MTMR6: variants seen among roughly 807,000 people sequenced by gnomAD.
MTMR6 encodes myotubularin related protein 6.
In MTMR6, 47 loss-of-function variants were observed where a neutral mutation model predicts 80.1. The observed-to-expected ratio is 0.59, with a 90% CI of 0.46 to 0.75. MTMR6 has a LOEUF of 0.75. MTMR6 is among the 30% of genes least tolerant of loss of function. The probability of loss-of-function intolerance (pLI) is 0.00; values close to 1 mark genes in which losing one functional copy is unlikely to be tolerated. For synonymous variants in MTMR6, 254 were observed against 253.0 expected (o/e 1.00, Z -0.04); for missense variants, 629 against 730.9 (o/e 0.86, Z 1.61).
chr13:25,250,241 G>C (rs373862660), intron 13 of MTMR6, among the ~76,000 whole-genome samples: 1 of 152,050 alleles, frequency 6.6e-6, no homozygotes, highest in Admixed American at 6.6e-5. Context: ...GCTTATATAG[G>C]ATGGCAGAAA....
At chr13:25,282,245 C>T (rs926894813) in intron 1 of MTMR6, among the ~76,000 whole-genome samples, 31 of 152,162 alleles carry the variant, frequency 2.0e-4, no homozygotes, top group Non-Finnish European at 4.6e-4. Context: ...GTAAGAGCTT[C>T]CCTAACCACT....
Position 25,266,144 on chromosome 13 carries a change from G to C in MTMR6, c.447C>G (p.Ala149=). 1.9e-6 allele frequency: 3 copies of C among 1,613,662 alleles called. No homozygotes were observed. Among genetic ancestry groups the C allele is most frequent in the Non-Finnish European group, 2.5e-6 (3 of 1,179,908 alleles). ...GTTAAGGTACCTTGTAGTCCCGGTTGGCATCAGACAACTGCCAGTGTGAGT... is the reference window on the plus strand; with the variant it reads ...GTTAAGGTACCTTGTAGTCCCGGTTCGCATCAGACAACTGCCAGTGTGAGT... ...VPNSHWQLSD[A]NRDYKICETY... is the part of the protein sequence containing the mutation. The change falls in exon 4 of 14, where the codon GCC becomes GCG. Residue 149 remains alanine, a synonymous_variant. Coordinates refer to ENST00000381801, the MANE Select transcript of MTMR6 (RefSeq NM_004685.5).
chr13:25,265,800 C>G lies in MTMR6; in HGVS notation c.591+19G>C, dbSNP rs1387831996. On this transcript the variant is annotated intron_variant, in intron 5 of 13. Transcript: ENST00000381801. Reference sequence around the variant, plus strand: ...ATGAGTTATACTTTATTTCTAAAATCAAAAGAAAAGCATCCTACCTCCTTA... The same window carrying G: ...ATGAGTTATACTTTATTTCTAAAATGAAAAGAAAAGCATCCTACCTCCTTA... 6.3e-7 allele frequency: 1 copy of G among 1,593,366 alleles called. No homozygotes were observed. Among genetic ancestry groups the G allele is most frequent in the Admixed American group, 1.7e-5 (1 of 58,386 alleles).
chr13:25,251,785 A>G lies in MTMR6; in HGVS notation c.1479-10T>C, dbSNP rs1957094453. On this transcript the variant is annotated splice_polypyrimidine_tract_variant and intron_variant, in intron 12 of 13. Coordinates refer to ENST00000381801, the MANE Select transcript of MTMR6 (RefSeq NM_004685.5). This position sits in a 1 kb window ranked among gnomAD's most constrained non-coding sequence, Gnocchi z 4.1. ...CATGTTCCTCCAAAACCTTTATGAC[A>G]AAAAAAAGTTTCAATAAATTGTGTT... 6.4e-7 allele frequency: 1 copy of G among 1,558,694 alleles called. No individual in the cohort carries two copies. Among genetic ancestry groups the G allele is most frequent in the Non-Finnish European group, 8.8e-7 (1 of 1,142,506 alleles).
At chr13:25,282,075 C>T (rs1957861947) in intron 1 of MTMR6, among the ~76,000 whole-genome samples, 1 of 152,138 alleles carries the variant, frequency 6.6e-6, no homozygotes, top group African/African-American at 2.4e-5. Context: ...CTTCACTCAC[C>T]CTGCTCTAGC....
At chr13:25,252,095 G>C in intron 11 of MTMR6, 111 bp from the exon 12 acceptor site, 1 of 1,185,208 alleles carries the variant, frequency 8.4e-7, no homozygotes, top group East Asian at 2.4e-5. Context: ...TTAAATTTTA[G>C]TTTTTTCTTG....
chr13:25,274,268 A>G (rs1957655863), intron 1 of MTMR6, 81 bp from the exon 2 acceptor site: 3 of 741,356 alleles, frequency 4.0e-6, no homozygotes, highest in Non-Finnish European at 6.5e-6. Flanking sequence ...TACATGCAAC[A>G]TTCTCAATTT....
At chr13:25,273,479 T>C (rs1484400717) in intron 2 of MTMR6, among the ~76,000 whole-genome samples, 1 of 152,038 alleles carries the variant, frequency 6.6e-6, no homozygotes, top group Non-Finnish European at 1.5e-5. Flanking sequence ...GATCTGTTAA[T>C]GTGTACATAT....
chr13:25,272,882 G>A lies in MTMR6; in HGVS notation c.141+1189C>T, dbSNP rs115748670. On this transcript the variant is annotated intron_variant, in intron 2 of 13. Coordinates refer to ENST00000381801, the MANE Select transcript of MTMR6 (RefSeq NM_004685.5). ...CCATAGCTTTGCTATTGTGAACAGC[G>A]CTGCAACAAACATGCAAATGCCCGT... Among the ~76,000 whole-genome samples the A allele has an allele frequency of 3.0e-3, 458 of 152,158 alleles. 6 individuals are homozygous for A. The highest frequency in any genetic ancestry group is 0.01 in the African/African-American group (432 of 41,532).
At chr13:25,280,168 A>T (rs2137627979) in intron 1 of MTMR6, among the ~76,000 whole-genome samples, 1 of 152,368 alleles carries the variant, frequency 6.6e-6, no homozygotes, top group African/African-American at 2.4e-5. Flanking sequence ...GTTGCCATTC[A>T]CTAAGATAAA....
rs934319702 is a variant in MTMR6 at position 25,246,262 on chromosome 13, C to T, written c.*2970G>A. The stretch of plus-strand genomic sequence containing the variant: ...ACTGTTTATTAAAATGTCAAGGTTT[C>T]ATGTTTACATTTTCTTATATCAAGT... On this transcript the variant is annotated 3_prime_UTR_variant, in exon 14 of 14. Transcript: ENST00000381801. 6.6e-6 allele frequency: 1 copy of T among 152,562 alleles called. No individual in the cohort carries two copies. Among genetic ancestry groups the T allele is most frequent in the African/African-American group, 2.4e-5 (1 of 41,446 alleles). The allele number at this position is 152,562 out of a possible 1,614,324, so 9.5% of individuals were successfully genotyped here. A position where few individuals can be genotyped will look rare whatever the true frequency, so the allele number is the denominator to read the frequency against.
At chr13:25,252,882 A>G (rs1190163161) in intron 11 of MTMR6, among the ~76,000 whole-genome samples, 3 of 152,140 alleles carry the variant, frequency 2.0e-5, no homozygotes, top group Non-Finnish European at 4.4e-5. Context: ...AATTTTCCAC[A>G]TGCTCTCAGT....
chr13:25,265,729 C>G (rs1273161733), intron 5 of MTMR6, 90 bp downstream of exon 5: 33 of 1,331,990 alleles, frequency 2.5e-5, no homozygotes, highest in Admixed American at 6.5e-5. Context: ...GAGACCCTAT[C>G]TCAAAAAAAA....
At chr13:25,277,138 G>C (rs142380528) in intron 1 of MTMR6, among the ~76,000 whole-genome samples, 1 of 152,184 alleles carries the variant, frequency 6.6e-6, no homozygotes, top group African/African-American at 2.4e-5. Flanking sequence ...CTGTATTTTG[G>C]ATGTGAGTTA....
At chr13:25,253,074 C>G (rs1361316525) in intron 11 of MTMR6, among the ~76,000 whole-genome samples, 1 of 152,018 alleles carries the variant, frequency 6.6e-6, no homozygotes, top group East Asian at 1.9e-4. Context: ...TACATAGGAC[C>G]TCTAAGACCT....
At position 25,248,110 on chromosome 13, in the gene MTMR6, T is replaced by C. The variant is rs566800466; in HGVS notation, c.*1122A>G. On this transcript the variant is annotated 3_prime_UTR_variant, in exon 14 of 14. Coordinates refer to ENST00000381801, the MANE Select transcript of MTMR6 (RefSeq NM_004685.5). The stretch of plus-strand genomic sequence containing the variant: ...CTTTGTACTAGAATCTCTTTTTTTT[T>C]CTATATTTAACAAGAAGAAAAATAA... The C allele has an allele frequency of 1.3e-4, 20 of 151,992 alleles. 1 individual carries two copies. In the East Asian group the frequency reaches 1.9e-3, roughly 15 times the overall value. 9.4% of individuals were successfully genotyped at this position (151,992 alleles called of 1,614,324 possible). A position where few individuals can be genotyped will look rare whatever the true frequency, so the allele number is the denominator to read the frequency against.
chr13:25,276,769 T>C (rs1957737083), intron 1 of MTMR6, among the ~76,000 whole-genome samples: 1 of 152,254 alleles, frequency 6.6e-6, no homozygotes, highest in African/African-American at 2.4e-5. Context: ...GAGTTCACAC[T>C]GTCTGCTACA....
intron 10 of MTMR6, 134 bp downstream of exon 10, chr13:25,254,251 G>A (rs931112788): frequency 1.4e-5 from 10 of 726,172 alleles, no homozygotes; most frequent in East Asian, 2.7e-5. Context: ...ATGTCTTTAC[G>A]TAAAATACAG....
At chr13:25,250,102 C>T (rs1957053794) in intron 13 of MTMR6, among the ~76,000 whole-genome samples, 1 of 152,130 alleles carries the variant, frequency 6.6e-6, no homozygotes, top group South Asian at 2.1e-4. Context: ...ACAATTTACT[C>T]AAGCAGTCAT....
Sources: gnomAD v4.1 joint callset for allele counts (sites outside exome capture counted in the v4.1 genomes callset) on GRCh38, gnomAD v4.1.1 for gene constraint, Gnocchi (gnomAD v3.1) non-coding constraint, MANE v1.5 for transcripts, NCBI Gene and HGNC (gene_info 2026-07-23, HGNC 2026-07-21) for gene names.